ZNF641: variants seen among roughly 807,000 people sequenced by gnomAD.
ZNF641 encodes the protein zinc finger protein 641.
ZNF641 carries 26 observed loss-of-function variants against 46.2 expected under a neutral mutation model. The ratio of observed to expected loss-of-function variants is 0.56; its 90% CI spans 0.41 to 0.78. The LOEUF (loss-of-function observed/expected upper bound fraction) is 0.78, where lower values mean the gene tolerates loss of function less well. Among genes scored for constraint, ZNF641 ranks in the 30% least tolerant of loss-of-function variants. ZNF641 has a pLI of 0.00. For missense variants in ZNF641, 469 were observed against 517.8 expected, an observed-to-expected ratio of 0.91 and a Z score of 0.91; for synonymous variants, 163 against 187.9, an observed-to-expected ratio of 0.87 and a Z score of 1.09.
At chr12:48,350,095 G>A (rs1203985082) in intron 1 of ZNF641, 1 of 1,614,132 alleles carries the variant, frequency 6.2e-7, no homozygotes, top group Admixed American at 1.7e-5. Context: ...CCAGCACCTG[G>A]GCGGTTAAGG....
At position 48,350,050 on chromosome 12, in the gene ZNF641, C is replaced by T. The variant is rs776492633; in HGVS notation, c.-26+736G>A. The T allele has an allele frequency of 5.6e-6, 9 of 1,614,212 alleles. No individual in the cohort carries two copies. In the South Asian group the frequency reaches 9.9e-5, roughly 18 times the overall value. Reference sequence around the variant, plus strand: ...AGCAAAGGATGGGATGGGTACCTGTCCTCAGCTTGCATTTCCTAAGATATT... The same window carrying T: ...AGCAAAGGATGGGATGGGTACCTGTTCTCAGCTTGCATTTCCTAAGATATT... On this transcript the variant is annotated intron_variant, in intron 1 of 5. Transcript: ENST00000547026.
In ZNF641 at chr12:48,345,335, T is replaced by A; in HGVS notation, c.406+10A>T. The A allele has an allele frequency of 6.2e-7, 1 of 1,611,102 alleles. No individual in the cohort carries two copies. ...CCAATCTTCTAGTGGCTGGAGAAGG[T>A]CATGCTTACTCAGAGAGACTACTAT... On this transcript the variant is annotated intron_variant, in intron 4 of 5. Coordinates refer to ENST00000547026, the MANE Select transcript of ZNF641 (RefSeq NM_001172681.2).
intron 1 of ZNF641, among the ~76,000 whole-genome samples, chr12:48,348,630 A>G (rs1280128501): frequency 2.6e-5 from 4 of 152,262 alleles, no homozygotes; most frequent in Non-Finnish European, 5.9e-5. Context: ...GCGTATTTGT[A>G]TCATGAGGCT....
At position 48,341,342 on chromosome 12, in the gene ZNF641, CAAGAT is replaced by C. The variant is rs1182117932; in HGVS notation, c.*1626_*1630del. On this transcript the variant is annotated 3_prime_UTR_variant, in exon 6 of 6. Coordinates refer to ENST00000547026, the MANE Select transcript of ZNF641 (RefSeq NM_001172681.2). ...CCTAACCCCGAACTGCTCTTACATA[CAAGAT>C]AATTTTTAAATTATAAGATTGGTAT... 2.0e-6 allele frequency: 2 copies of C among 985,350 alleles called. No individual in the cohort carries two copies. Among genetic ancestry groups the C allele is most frequent in the African/African-American group, 1.7e-5 (1 of 57,336 alleles). The allele number at this position is 985,350 out of a possible 1,614,324, so 61.0% of individuals were successfully genotyped here. A position where few individuals can be genotyped will look rare whatever the true frequency, so the allele number is the denominator to read the frequency against.
rs894222745 is a variant in ZNF641, at chr12:48,342,050, C to A, written c.*923G>T. The A allele has an allele frequency of 1.1e-5, 11 of 985,372 alleles. No homozygotes were observed. In the African/African-American group the frequency reaches 1.9e-4, roughly 17 times the overall value. The allele number at this position is 985,372 out of a possible 1,614,324, so 61.0% of individuals were successfully genotyped here. A position where few individuals can be genotyped will look rare whatever the true frequency, so the allele number is the denominator to read the frequency against. The stretch of plus-strand genomic sequence containing the variant: ...GCATGCTGTCTTCAAAGACCCTGCA[C>A]ACAAATACACAGACACATAAAGACA... On this transcript the variant is annotated 3_prime_UTR_variant, in exon 6 of 6. Transcript: ENST00000547026.
At position 48,340,022 on chromosome 12, in the gene ZNF641, C is replaced by T. The variant is rs558486209; in HGVS notation, c.*2951G>A. The T allele has an allele frequency of 6.1e-6, 6 of 985,346 alleles. No individual in the cohort carries two copies. In the African/African-American group the frequency reaches 1.0e-4, roughly 17 times the overall value. The allele number at this position is 985,346 out of a possible 1,614,324, so 61.0% of individuals were successfully genotyped here. ...TGATATCCCTGTTTTACATTTTGCC[C>T]AAAGAGAACACAGAGATTCTTTTTA... On this transcript the variant is annotated 3_prime_UTR_variant, in exon 6 of 6. Coordinates refer to ENST00000547026, the MANE Select transcript of ZNF641 (RefSeq NM_001172681.2).
intron 1 of ZNF641, chr12:48,350,002 G>A (rs1461223029): frequency 1.9e-6 from 3 of 1,613,048 alleles, no homozygotes; most frequent in Non-Finnish European, 2.5e-6. Context: ...ACAGAAATCC[G>A]TGGAAGTGCT....
At position 48,343,312 on chromosome 12, in the gene ZNF641, A is replaced by G. The variant is rs1439171474; in HGVS notation, c.936T>C (p.Gly312=). The change falls in exon 6 of 6, where the codon GGT becomes GGC. Residue 312 remains glycine (G), a synonymous_variant. Transcript: ENST00000547026. ...HDKTSRCSEC[G]KNFRCNSHLA... ...GATGGGAGTTGCATCGGAAATTCTT[A>G]CCACACTCAGAGCACCTGCTGGTCT... 6.2e-7 allele frequency: 1 copy of G among 1,613,984 alleles called. No individual in the cohort carries two copies. The highest frequency in any genetic ancestry group is 2.2e-5 in the East Asian group (1 of 44,860).
intron 1 of ZNF641, among the ~76,000 whole-genome samples, chr12:48,349,799 T>C (rs1164426762): frequency 6.6e-6 from 1 of 152,128 alleles, no homozygotes; most frequent in Non-Finnish European, 1.5e-5. Context: ...GGGCACTAAT[T>C]CTCCCTCTTC....
upstream of ZNF641, chr12:48,350,921 C>T (rs550747873): frequency 5.4e-6 from 5 of 930,690 alleles, no homozygotes; most frequent in African/African-American, 3.6e-5. Context: ...CCGGCAGGCG[C>T]GGGCGGGGCG....
rs201811247 is a variant in ZNF641 at position 48,343,622 on chromosome 12, T to C, written c.626A>G (p.Asp209Gly). The change falls in exon 6 of 6, where the codon GAT becomes GGT. Residue 209 changes from aspartate (D) to glycine (G), a missense_variant. By Grantham distance (94) the Asp-to-Gly change is moderately conservative (BLOSUM62 -1). Coordinates refer to ENST00000547026, the MANE Select transcript of ZNF641 (RefSeq NM_001172681.2). ...GCTGGGCATGGAATCCCAGCTCTCA[T>C]CATGCTCCGGGTTCCAGAGAACAGT... ...EDTVLWNPEH[D>G]ESWDSMPSSS... 2.8e-4 allele frequency: 443 copies of C among 1,600,258 alleles called. 1 individual carries two copies. Among genetic ancestry groups the C allele is most frequent in the Non-Finnish European group, 3.4e-4 (395 of 1,172,972 alleles).
At position 48,343,366 on chromosome 12, in the gene ZNF641, G is replaced by GGT; in HGVS notation, c.881_882insAC (p.Arg295ProfsTer81). ...CATGTAGGTGGGTTTTCTGGTGCCT[G>GGT]ATGAGGTGATGTCTTCGCCCAAAGG... On this transcript the variant is annotated frameshift_variant, in exon 6 of 6. Coordinates refer to ENST00000547026, the MANE Select transcript of ZNF641 (RefSeq NM_001172681.2). LOFTEE classifies it high-confidence loss of function. 6.2e-7 allele frequency: 1 copy of GGT among 1,614,208 alleles called. No individual in the cohort carries two copies. Among genetic ancestry groups the GGT allele is most frequent in the Non-Finnish European group, 8.5e-7 (1 of 1,180,040 alleles).
Position 48,340,854 on chromosome 12 carries a change from C to G in ZNF641, c.*2119G>C, listed in dbSNP as rs1405973295. 1 of 985,294 alleles carries G rather than the reference C, an allele frequency of 1.0e-6. No homozygotes were observed. The highest frequency in any genetic ancestry group is 6.1e-5 in the Admixed American group (1 of 16,274). The allele number at this position is 985,294 out of a possible 1,614,324, so 61.0% of individuals were successfully genotyped here. A position where few individuals can be genotyped will look rare whatever the true frequency, so the allele number is the denominator to read the frequency against. On this transcript the variant is annotated 3_prime_UTR_variant, in exon 6 of 6. Transcript: ENST00000547026. ...TCAGAGTCCAGATTTATCACTGAAC[C>G]CAATACTTTCTTACTCCCTGGGGCA...
At position 48,342,981 on chromosome 12, in the gene ZNF641, CAG is replaced by C; in HGVS notation, c.1265_1266del (p.Ser422CysfsTer30). On this transcript the variant is annotated frameshift_variant, in exon 6 of 6. Coordinates refer to ENST00000547026, the MANE Select transcript of ZNF641 (RefSeq NM_001172681.2). LOFTEE classifies it high-confidence loss of function. ...SPRNSWDRGT[S>X]VF ...TGTAGTGGAAACAGATTTCAAAAGA[CAG>C]ATGTTCCTCTGTCCCAGCTGTTCCG... The C allele has an allele frequency of 6.2e-7, 1 of 1,610,022 alleles. No individual in the cohort carries two copies. Among genetic ancestry groups the C allele is most frequent in the African/African-American group, 1.3e-5 (1 of 74,978 alleles).
At position 48,340,968 on chromosome 12, in the gene ZNF641, T is replaced by C; in HGVS notation, c.*2005A>G. On this transcript the variant is annotated 3_prime_UTR_variant, in exon 6 of 6. Coordinates refer to ENST00000547026, the MANE Select transcript of ZNF641 (RefSeq NM_001172681.2). ...AAGACCAGCCATTTTGCCTTATTCATAGGATCATAAGCAAGAGAACTGCAT... is the reference window on the plus strand; with the variant it reads ...AAGACCAGCCATTTTGCCTTATTCACAGGATCATAAGCAAGAGAACTGCAT... The C allele has an allele frequency of 1.0e-6, 1 of 985,384 alleles. No homozygotes were observed. The highest frequency in any genetic ancestry group is 1.2e-6 in the Non-Finnish European group (1 of 829,932). 61.0% of individuals were successfully genotyped at this position (985,384 alleles called of 1,614,324 possible). A position where few individuals can be genotyped will look rare whatever the true frequency, so the allele number is the denominator to read the frequency against.
chr12:48,340,493 G>C lies in ZNF641; in HGVS notation c.*2480C>G. 1 of 983,850 alleles carries C rather than the reference G, an allele frequency of 1.0e-6. No homozygotes were observed. The highest frequency in any genetic ancestry group is 1.2e-6 in the Non-Finnish European group (1 of 829,534). 60.9% of individuals were successfully genotyped at this position (983,850 alleles called of 1,614,324 possible). ...GTAGAATGTAAGCAATACCCTTGTCGTAATTAAAGACCAGACTCCATCCTT... is the reference window on the plus strand; with the variant it reads ...GTAGAATGTAAGCAATACCCTTGTCCTAATTAAAGACCAGACTCCATCCTT... On this transcript the variant is annotated 3_prime_UTR_variant, in exon 6 of 6. Coordinates refer to ENST00000547026, the MANE Select transcript of ZNF641 (RefSeq NM_001172681.2).
At position 48,343,079 on chromosome 12, in the gene ZNF641, C is replaced by G. The variant is rs755385383; in HGVS notation, c.1169G>C (p.Arg390Pro). The G allele has an allele frequency of 1.9e-6, 3 of 1,614,010 alleles. No homozygotes were observed. Among genetic ancestry groups the G allele is most frequent in the Non-Finnish European group, 1.7e-6 (2 of 1,180,026 alleles). The change falls in exon 6 of 6, where the codon CGC becomes CCC. Residue 390 changes from arginine to proline, a missense_variant. Physicochemically the swap from Arg to Pro is moderately radical, Grantham distance 103 (BLOSUM62 -2). Transcript: ENST00000547026. ...HTGEKPFQCP[R>P]CEKSFGRKHH... The stretch of plus-strand genomic sequence containing the variant: ...TTTTCGGCCAAAGCTCTTCTCACAG[C>G]GAGGGCACTGGAAGGGCTTCTCCCC...
rs1036104978 is a variant in ZNF641, at chr12:48,338,198, G to A, written c.*4775C>T. 2.6e-5 allele frequency: 4 copies of A among 152,358 alleles called. No homozygotes were observed. The highest frequency in any genetic ancestry group is 5.9e-5 in the Non-Finnish European group (4 of 68,146). The allele number at this position is 152,358 out of a possible 1,614,324, so 9.4% of individuals were successfully genotyped here. ...ATAGGTAGTAAGTGGACTCATGATG[G>A]AATAGAATTGGCCAGAAGCTTGAAG... On this transcript the variant is annotated 3_prime_UTR_variant, in exon 6 of 6. Coordinates refer to ENST00000547026, the MANE Select transcript of ZNF641 (RefSeq NM_001172681.2).
intron 2 of ZNF641, 88 bp downstream of exon 2, chr12:48,347,819 T>G: frequency 7.6e-7 from 1 of 1,313,030 alleles, no homozygotes; most frequent in Non-Finnish European, 1.1e-6. Context: ...ATTTAGTCCA[T>G]GGCAATTTGG....
Sources: allele counts gnomAD v4.1 joint callset (sites outside exome capture counted in the v4.1 genomes callset), GRCh38; gene constraint gnomAD v4.1.1; transcripts MANE v1.5; gene names NCBI Gene and HGNC (gene_info 2026-07-23, HGNC 2026-07-21).